Variants in EYS observed in about 807,000 individuals in gnomAD.
EYS encodes EGF-like photoreceptor maintenance factor.
A neutral mutation model predicts 282.1 loss-of-function variants in EYS; 250 were observed. The observed-to-expected ratio is 0.89, with a 90% CI of 0.80 to 0.98. The LOEUF (loss-of-function observed/expected upper bound fraction) is 0.98, where lower values mean the gene tolerates loss of function less well. Among genes scored for constraint, EYS ranks in the 50% least tolerant of loss-of-function variants. The pLI, the probability that EYS is intolerant of heterozygous loss-of-function variation, is 0.00. For synonymous variants in EYS, 1,355 were observed against 1,282.9 expected (o/e 1.06, Z -1.20); for missense variants, 4,016 against 3,709.0 (o/e 1.08, Z -2.15).
intron 35 of EYS, among the ~76,000 whole-genome samples, chr6:63,982,200 G>T (rs1055982738): frequency 4.0e-5 from 6 of 151,786 alleles, no homozygotes; most frequent in African/African-American, 1.2e-4. Context: ...CAGGAAATGA[G>T]AGTGTGTTAG....
Position 64,196,980 on chromosome 6 carries a change from C to CT in EYS, c.6424+33611dup, listed in dbSNP as rs1008634351. 9.1e-3 allele frequency among the ~76,000 whole-genome samples: 1,336 copies of CT among 147,398 alleles called. 10 individuals carry two copies. Among genetic ancestry groups the CT allele is most frequent in the African/African-American group, 0.028 (1,119 of 40,336 alleles). On this transcript the variant is annotated intron_variant, in intron 31 of 42. Coordinates refer to ENST00000503581, the MANE Select transcript of EYS (RefSeq NM_001142800.2). ...CTCCTGTTTGTCTTTACTAGTGGCACTTTTTTTTTTGCAAGTTTTAAGTGT... is the reference window on the plus strand; with the variant it reads ...CTCCTGTTTGTCTTTACTAGTGGCACTTTTTTTTTTTGCAAGTTTTAAGTGT...
intron 26 of EYS, among the ~76,000 whole-genome samples, chr6:64,493,315 G>A (rs1450581420): frequency 1.3e-5 from 2 of 151,372 alleles, no homozygotes; most frequent in South Asian, 4.1e-4. Flanking sequence ...AGACTTTCCA[G>A]AGCCCATAAA....
At chr6:65,525,883 A>C (rs1767539238) in intron 2 of EYS, among the ~76,000 whole-genome samples, 1 of 152,256 alleles carries the variant, frequency 6.6e-6, no homozygotes, top group African/African-American at 2.4e-5. Flanking sequence ...ACTACTAATA[A>C]CATAAGAAAT....
Position 64,085,558 on chromosome 6 carries a change from G to T in EYS, c.6425-3556C>A, listed in dbSNP as rs768826025. Reference sequence around the variant, plus strand: ...TCAAAATTATCTCTTAAAATCTTCTGGTCCAAATACATACCCTTTTTAAAT... The same window carrying T: ...TCAAAATTATCTCTTAAAATCTTCTTGTCCAAATACATACCCTTTTTAAAT... On this transcript the variant is annotated intron_variant, in intron 31 of 42. Coordinates refer to ENST00000503581, the MANE Select transcript of EYS (RefSeq NM_001142800.2). Among the ~76,000 whole-genome samples the T allele has an allele frequency of 2.6e-5, 4 of 151,978 alleles. No individual in the cohort carries two copies. In the South Asian group the frequency reaches 8.3e-4, roughly 32 times the overall value.
intron 15 of EYS, among the ~76,000 whole-genome samples, chr6:64,941,823 G>T (rs187566217): frequency 1.5e-3 from 234 of 152,246 alleles, no homozygotes; most frequent in Non-Finnish European, 2.2e-3. Context: ...GTAGTCCATG[G>T]TGTATATGAA....
At chr6:65,072,075 G>A (rs1487059072) in intron 12 of EYS, among the ~76,000 whole-genome samples, 1 of 151,766 alleles carries the variant, frequency 6.6e-6, no homozygotes, top group Non-Finnish European at 1.5e-5. Flanking sequence ...AAGACAAATA[G>A]TAAGCTCCGA....
chr6:64,818,490 G>A (rs1583190014), intron 21 of EYS, among the ~76,000 whole-genome samples: 1 of 152,104 alleles, frequency 6.6e-6, no homozygotes, highest in Non-Finnish European at 1.5e-5. Flanking sequence ...ACAATAGGCC[G>A]TCTGCAAGGT....
chr6:65,178,974 C>T (rs1765300846), intron 12 of EYS, among the ~76,000 whole-genome samples: 3 of 151,964 alleles, frequency 2.0e-5, no homozygotes, highest in Non-Finnish European at 2.9e-5. Context: ...GGGTACATAA[C>T]AAAATGAAGG....
intron 35 of EYS, among the ~76,000 whole-genome samples, chr6:63,901,938 G>A (rs1773668925): frequency 6.6e-6 from 1 of 152,070 alleles, no homozygotes; most frequent in Non-Finnish European, 1.5e-5. Context: ...TGTTGCCCAG[G>A]TTGGAGTGCA....
intron 30 of EYS, among the ~76,000 whole-genome samples, chr6:64,242,443 T>TTG (rs1562268709): frequency 1.3e-5 from 2 of 152,060 alleles, no homozygotes; most frequent in Admixed American, 1.3e-4. Context: ...CTAAGTTTTT[T>TTG]TTGTTGTTGT....
At chr6:65,238,309 CAAT>C (rs1766976519) in intron 12 of EYS, among the ~76,000 whole-genome samples, 1 of 150,714 alleles carries the variant, frequency 6.6e-6, no homozygotes, top group Admixed American at 6.6e-5. Context: ...ATACATGAAT[CAAT>C]AATACTAGAA....
intron 30 of EYS, among the ~76,000 whole-genome samples, chr6:64,272,090 A>G (rs1004590456): frequency 2.0e-5 from 3 of 152,058 alleles, no homozygotes; most frequent in Admixed American, 6.5e-5. Flanking sequence ...AATTCACTCT[A>G]CTAGTTTTGT....
intron 13 of EYS, among the ~76,000 whole-genome samples, chr6:65,029,889 G>C (rs1772542553): frequency 6.6e-6 from 1 of 152,126 alleles, no homozygotes; most frequent in Non-Finnish European, 1.5e-5. Context: ...CGCATTCCTG[G>C]TGCCAGTGGG....
In EYS at chr6:65,402,444, T is replaced by C. The variant is rs764198025; in HGVS notation, c.1184+34A>G. ...TCACATGATTTAAAAATCCATGTAC[T>C]TTGTATTAAAAATAAACAGAAAATT... On this transcript the variant is annotated intron_variant, in intron 7 of 42. Transcript: ENST00000503581. 3 of 1,369,844 alleles carry C rather than the reference T, an allele frequency of 2.2e-6. No homozygotes were observed. In the African/African-American group the frequency reaches 4.3e-5, roughly 20 times the overall value. 84.9% of individuals were successfully genotyped at this position (1,369,844 alleles called of 1,614,324 possible). A position where few individuals can be genotyped will look rare whatever the true frequency, so the allele number is the denominator to read the frequency against.
chr6:64,546,230 C>T (rs1220752214), intron 26 of EYS, among the ~76,000 whole-genome samples: 1 of 152,074 alleles, frequency 6.6e-6, no homozygotes, highest in Non-Finnish European at 1.5e-5. Flanking sequence ...TATCTACAAC[C>T]ATCTGATCTT....
intron 26 of EYS, among the ~76,000 whole-genome samples, chr6:64,502,836 T>C (rs960956864): frequency 2.0e-5 from 3 of 152,226 alleles, no homozygotes; most frequent in South Asian, 2.1e-4. Context: ...TTGTACATCA[T>C]AGGAATTTAA....
At chr6:65,698,130 A>G (rs776678032) in intron 1 of EYS, among the ~76,000 whole-genome samples, 1 of 152,134 alleles carries the variant, frequency 6.6e-6, no homozygotes, top group Non-Finnish European at 1.5e-5. Context: ...TATCTGGGAA[A>G]TACTTATTTG....
chr6:64,491,034 A>G (rs988138200), intron 26 of EYS, among the ~76,000 whole-genome samples: 30 of 150,848 alleles, frequency 2.0e-4, no homozygotes, highest in Non-Finnish European at 3.9e-4. Flanking sequence ...CTACCAATGA[A>G]CTAATTATTT....
At chr6:64,254,959 A>C (rs1767342052) in intron 30 of EYS, among the ~76,000 whole-genome samples, 1 of 152,140 alleles carries the variant, frequency 6.6e-6, no homozygotes, top group Non-Finnish European at 1.5e-5. Context: ...GATGTTAAAG[A>C]TGACTTGACC....
Sources: allele counts gnomAD v4.1 joint callset (sites outside exome capture counted in the v4.1 genomes callset), GRCh38; gene constraint gnomAD v4.1.1; transcripts MANE v1.5; gene names NCBI Gene and HGNC (gene_info 2026-07-23, HGNC 2026-07-21).